The following TEX35 variants were observed in gnomAD, a reference collection of about 807,000 sequenced individuals.
TEX35 encodes testis-expressed protein 35.
A neutral mutation model predicts 31.9 loss-of-function variants in TEX35; 26 were observed. The ratio of observed to expected loss-of-function variants is 0.81; its 90% CI spans 0.60 to 1.13. The LOEUF (loss-of-function observed/expected upper bound fraction) is 1.13. Ranked by LOEUF, TEX35 falls within the 50% of genes most tolerant of loss-of-function variation. TEX35 has a pLI of 0.00. For synonymous variants in TEX35, 87 were observed against 90.7 expected, an observed-to-expected ratio of 0.96 and a Z score of 0.23; for missense variants, 278 against 273.5, an observed-to-expected ratio of 1.02 and a Z score of -0.12.
In TEX35 at chr1:178,520,391, A is replaced by G. The variant is rs1650221183; in HGVS notation, c.296A>G (p.Asp99Gly). 1 of 1,614,108 alleles carries G rather than the reference A, an allele frequency of 6.2e-7. No individual in the cohort carries two copies. Among genetic ancestry groups the G allele is most frequent in the Non-Finnish European group, 8.5e-7 (1 of 1,179,998 alleles). The change falls in exon 6 of 9, where the codon GAT becomes GGT. Residue 99 changes from aspartate to glycine, a missense_variant. Physicochemically the swap from Asp to Gly is moderately conservative, Grantham distance 94. Transcript: ENST00000319416. ...EIMKEMQKDMDEKMDILINTQ... is the reference protein window; with the variant it reads ...EIMKEMQKDMGEKMDILINTQ... The stretch of plus-strand genomic sequence containing the variant: ...TCGAAGGAAATGCAGAAAGATATGG[A>G]TGAGAAGATGGACATTTTAATAAAT...
intron 5 of TEX35, among the ~76,000 whole-genome samples, chr1:178,516,933 A>G (rs1650099382): frequency 5.3e-5 from 8 of 152,244 alleles, no homozygotes; most frequent in Admixed American, 5.2e-4. Flanking sequence ...TGAAGACTGC[A>G]TGGGAAGCTT....
intron 1 of TEX35, 104 bp downstream of exon 1, chr1:178,513,331 G>A: frequency 7.0e-7 from 1 of 1,438,340 alleles, no homozygotes; most frequent in South Asian, 1.2e-5. Flanking sequence ...ATGAATCTCT[G>A]GTTTTTCTTT....
Position 178,520,411 on chromosome 1 carries a change from A to G in TEX35, c.316A>G (p.Ile106Val). ...KDMDEKMDILINTQKNYKLPL... is the reference protein window; with the variant it reads ...KDMDEKMDILVNTQKNYKLPL... Reference sequence around the variant, plus strand: ...TATGGATGAGAAGATGGACATTTTAATAAATACACAGAAGAACTATAAGCT... The same window carrying G: ...TATGGATGAGAAGATGGACATTTTAGTAAATACACAGAAGAACTATAAGCT... The change falls in exon 6 of 9, where the codon ATA becomes GTA. Residue 106 changes from isoleucine (I) to valine (V), a missense_variant. By Grantham distance (29) the Ile-to-Val change is conservative. Transcript: ENST00000319416. 6.2e-7 allele frequency: 1 copy of G among 1,614,162 alleles called. No individual in the cohort carries two copies. The highest frequency in any genetic ancestry group is 8.5e-7 in the Non-Finnish European group (1 of 1,180,026).
In TEX35 at chr1:178,522,624, C is replaced by T. The variant is rs1331837280; in HGVS notation, c.*184C>T. ...CTCTTTGCTAAGCTGGCTGCTTCTA[C>T]CATCTAATAAATAATTGGCCAAGTT... On this transcript the variant is annotated 3_prime_UTR_variant, in exon 9 of 9. Coordinates refer to ENST00000319416, the MANE Select transcript of TEX35 (RefSeq NM_032126.5). 4 of 1,284,442 alleles carry T rather than the reference C, an allele frequency of 3.1e-6. No individual in the cohort carries two copies. The highest frequency in any genetic ancestry group is 2.3e-4 in the Middle Eastern group (1 of 4,444). 79.6% of individuals were successfully genotyped at this position (1,284,442 alleles called of 1,614,324 possible). A position where few individuals can be genotyped will look rare whatever the true frequency, so the allele number is the denominator to read the frequency against.
rs202247712 is a variant in TEX35, at chr1:178,515,870, G to T, written c.171G>T (p.Arg57Ser). The T allele has an allele frequency of 4.3e-6, 7 of 1,612,056 alleles. No homozygotes were observed. In the African/African-American group the frequency reaches 9.3e-5, roughly 22 times the overall value. Residue 57 changes from arginine to serine, a missense_variant, in exon 4 of 9, where the codon AGG (arginine) becomes AGT (serine). Transcript: ENST00000319416. ...GVTQDLKNEL[R>S]EVREELKEKM... is the part of the protein sequence containing the mutation. ...TTTTATTTCCTCAGAATGAACTCAG[G>T]GAAGTGAGAGAAGAGCTCAAGGAGA...
At chr1:178,521,880 A>G in intron 8 of TEX35, 3 of 1,445,284 alleles carry the variant, frequency 2.1e-6, no homozygotes, top group Non-Finnish European at 2.7e-6. Flanking sequence ...TTTTGGTTCT[A>G]TATCAGTGTA....
chr1:178,514,498 C>T (rs1292016093), intron 2 of TEX35, among the ~76,000 whole-genome samples: 3 of 152,116 alleles, frequency 2.0e-5, no homozygotes, highest in South Asian at 2.1e-4. Context: ...GCTGAGGCCC[C>T]GTGGGCCAGC....
rs756279077 is a variant in TEX35 at position 178,515,857 on chromosome 1, A to G, written c.160-2A>G. Reference sequence around the variant, plus strand: ...CTTCTCTTCTCCATTTTATTTCCTCAGAATGAACTCAGGGAAGTGAGAGAA... The same window carrying G: ...CTTCTCTTCTCCATTTTATTTCCTCGGAATGAACTCAGGGAAGTGAGAGAA... On this transcript the variant is annotated splice_acceptor_variant, in intron 3 of 8. Transcript: ENST00000319416. LOFTEE classifies it high-confidence loss of function. 1.9e-6 allele frequency: 3 copies of G among 1,610,392 alleles called. No homozygotes were observed. Among genetic ancestry groups the G allele is most frequent in the African/African-American group, 1.3e-5 (1 of 74,848 alleles).
chr1:178,515,907 A>C lies in TEX35; in HGVS notation c.208A>C (p.Ile70Leu), dbSNP rs1213022550. The change falls in exon 4 of 9, where the codon ATA becomes CTA. Residue 70 changes from isoleucine to leucine, a missense_variant. By Grantham distance (5) the Ile-to-Leu change is conservative (BLOSUM62 2). Coordinates refer to ENST00000319416, the MANE Select transcript of TEX35 (RefSeq NM_032126.5). ...REELKEKMEE[I>L]KQIKDLMDKD... is the part of the protein sequence containing the mutation. ...AGAGCTCAAGGAGAAAATGGAGGAG[A>C]TAAAACAGGTAAGAAGATGAGGCCT... 8 of 1,612,536 alleles carry C rather than the reference A, an allele frequency of 5.0e-6. No individual in the cohort carries two copies. Among genetic ancestry groups the C allele is most frequent in the Non-Finnish European group, 6.8e-6 (8 of 1,178,822 alleles).
chr1:178,516,064 T>C, intron 4 of TEX35, 149 bp downstream of exon 4: 2 of 685,730 alleles, frequency 2.9e-6, no homozygotes, highest in South Asian at 1.9e-5. Context: ...TATTAGGTTA[T>C]TCACTTCTTA....
intron 5 of TEX35, 78 bp from the exon 6 acceptor site, chr1:178,520,294 G>T: frequency 1.4e-6 from 2 of 1,423,032 alleles, no homozygotes; most frequent in East Asian, 2.3e-5. Flanking sequence ...GATGCAGAAT[G>T]GTTTGCAGAG....
intron 5 of TEX35, among the ~76,000 whole-genome samples, chr1:178,518,209 C>A (rs1274039872): frequency 1.3e-5 from 2 of 151,464 alleles, no homozygotes; most frequent in Non-Finnish European, 2.9e-5. Context: ...TACACTCAAG[C>A]AAAATTTTAA....
At chr1:178,514,157 C>T in intron 2 of TEX35, 80 bp downstream of exon 2, 1 of 1,610,706 alleles carries the variant, frequency 6.2e-7, no homozygotes, top group Non-Finnish European at 8.5e-7. Context: ...GGGTCATTTG[C>T]TGATCCTAGT....
intron 4 of TEX35, among the ~76,000 whole-genome samples, chr1:178,516,291 C>G (rs1358839026): frequency 6.6e-6 from 1 of 152,218 alleles, no homozygotes; most frequent in Non-Finnish European, 1.5e-5. Context: ...ATGATACAAC[C>G]AACCAACCAC....
In TEX35 at chr1:178,520,708, T is replaced by A; in HGVS notation, c.377T>A (p.Leu126His). The change falls in exon 7 of 9, where the codon CTC (leucine) becomes CAC (histidine). Residue 126 changes from leucine to histidine, a missense_variant. Physicochemically the swap from Leu to His is moderately conservative, Grantham distance 99. Coordinates refer to ENST00000319416, the MANE Select transcript of TEX35 (RefSeq NM_032126.5). Reference protein sequence around the residue: ...LRRAPKEQQELRLMGKTHREP... With the variant: ...LRRAPKEQQEHRLMGKTHREP... ...AGAGCACCAAAGGAGCAGCAGGAAC[T>A]CAGGCTGATGGGAAAGACTCACAGA... 6.2e-7 allele frequency: 1 copy of A among 1,613,822 alleles called. No homozygotes were observed. Among genetic ancestry groups the A allele is most frequent in the African/African-American group, 1.3e-5 (1 of 74,902 alleles).
chr1:178,520,956 G>C, intron 7 of TEX35, 82 bp downstream of exon 7: 1 of 1,581,936 alleles, frequency 6.3e-7, no homozygotes, highest in Non-Finnish European at 8.6e-7. Context: ...AGCTTGTGCT[G>C]TATCATAGTG....
chr1:178,522,772 A>ACCCCATTCTCC, downstream of TEX35: 3 of 547,422 alleles, frequency 5.5e-6, no homozygotes, highest in Non-Finnish European at 7.3e-6. Context: ...TGCCATGGAG[A>ACCCCATTCTCC]ATGGGGTATC....
chr1:178,516,551 T>G (rs1204540284), intron 4 of TEX35, 64 bp from the exon 5 acceptor site: 1 of 1,435,422 alleles, frequency 7.0e-7, no homozygotes, highest in African/African-American at 1.4e-5. Context: ...GCCTGAAAGA[T>G]GCCACAACTA....
chr1:178,518,282 T>G (rs776143106), intron 5 of TEX35, among the ~76,000 whole-genome samples: 2 of 152,144 alleles, frequency 1.3e-5, no homozygotes, highest in Non-Finnish European at 2.9e-5. Context: ...AGTGCAAATT[T>G]GTACAAAACT....
Sources: allele counts gnomAD v4.1 joint callset (sites outside exome capture counted in the v4.1 genomes callset), GRCh38; gene constraint gnomAD v4.1.1; transcripts MANE v1.5; gene names NCBI Gene and HGNC (gene_info 2026-07-23, HGNC 2026-07-21).